FHIT: variants seen among roughly 807,000 people sequenced by gnomAD.
FHIT encodes the protein bis(5'-adenosyl)-triphosphatase.
In FHIT, 19 loss-of-function variants were observed where a neutral mutation model predicts 17.9. The ratio of observed to expected loss-of-function variants is 1.06; its 90% CI spans 0.74 to 1.56. FHIT has a LOEUF of 1.56. Ranked by LOEUF, FHIT falls within the 40% of genes most tolerant of loss-of-function variation. The pLI is 0.00. For synonymous variants in FHIT, 81 were observed against 69.7 expected (o/e 1.16, Z -0.81); for missense variants, 248 against 189.2 (o/e 1.31, Z -1.82).
chr3:60,537,456 G>T (rs767706963), intron 4 of FHIT: 9 of 983,018 alleles, frequency 9.2e-6, no homozygotes, highest in Non-Finnish European at 8.5e-6. Context: ...AACACTGTCT[G>T]ACCTTGCCTA....
At chr3:61,133,584 T>C (rs9681765) in intron 2 of FHIT, among the ~76,000 whole-genome samples, 2,657 of 152,300 alleles carry the variant, frequency 0.017, 83 homozygotes, top group African/African-American at 0.061. Context: ...CCAGAGATTA[T>C]AGATTTAGGA....
At chr3:60,520,761 G>A (rs1211221343) in intron 5 of FHIT, among the ~76,000 whole-genome samples, 4 of 152,048 alleles carry the variant, frequency 2.6e-5, no homozygotes, top group Non-Finnish European at 4.4e-5. Context: ...TCCCATTATG[G>A]TTAATGAGAG....
chr3:60,285,042 T>C (rs1333808367), intron 5 of FHIT, among the ~76,000 whole-genome samples: 2 of 152,170 alleles, frequency 1.3e-5, no homozygotes, highest in African/African-American at 2.4e-5. Context: ...ATCAGTCTTG[T>C]ATAAAACCTA....
chr3:60,584,677 T>C lies in FHIT; in HGVS notation c.-17-47698A>G, dbSNP rs1355561779. Among the ~76,000 whole-genome samples the C allele has an allele frequency of 3.9e-5, 6 of 152,146 alleles. No homozygotes were observed. The East Asian group carries it at 1.2e-3, about 29-fold the overall frequency. ...TGTAATTTTATGTGTTCATCTAACA[T>C]GGACAAAAGGAAAGAAGTTACAAAG... On this transcript the variant is annotated intron_variant, in intron 4 of 9. Coordinates refer to ENST00000492590, the MANE Select transcript of FHIT (RefSeq NM_002012.4).
chr3:59,876,394 T>C (rs748784510), intron 8 of FHIT, among the ~76,000 whole-genome samples: 2 of 152,146 alleles, frequency 1.3e-5, no homozygotes, highest in African/African-American at 2.4e-5. Context: ...TCTGGAATTA[T>C]AGAGAAGTAT....
At chr3:61,196,428 T>TA (rs903088496) in intron 2 of FHIT, among the ~76,000 whole-genome samples, 15 of 149,752 alleles carry the variant, frequency 1.0e-4, no homozygotes, top group East Asian at 1.9e-4. Context: ...AACTTGCTTT[T>TA]AAAAAAAAAA....
At chr3:60,982,656 T>C (rs994150701) in intron 3 of FHIT, among the ~76,000 whole-genome samples, 1 of 152,218 alleles carries the variant, frequency 6.6e-6, no homozygotes, top group Non-Finnish European at 1.5e-5. Flanking sequence ...TGTCTCACTC[T>C]GTTATTCTCT....
At chr3:59,887,826 C>A (rs955381103) in intron 8 of FHIT, among the ~76,000 whole-genome samples, 4 of 152,130 alleles carry the variant, frequency 2.6e-5, no homozygotes, top group Non-Finnish European at 5.9e-5. Context: ...GGAGACCTTG[C>A]CAACTTCTGA....
chr3:60,652,516 G>T (rs2107809160), intron 4 of FHIT, among the ~76,000 whole-genome samples: 1 of 152,202 alleles, frequency 6.6e-6, no homozygotes, highest in East Asian at 1.9e-4. Context: ...GGCGGATCAT[G>T]AGGTCAGGAT....
rs79669071 is a variant in FHIT at position 60,586,750 on chromosome 3, C to A, written c.-17-49771G>T. On this transcript the variant is annotated intron_variant, in intron 4 of 9. Coordinates refer to ENST00000492590, the MANE Select transcript of FHIT (RefSeq NM_002012.4). ...AGAAAACCAAAGCAAGAACAGAAAA[C>A]CAAATACTGCATGAGCTTACTCATA... Among the ~76,000 whole-genome samples, 400 of 151,998 alleles carry A rather than the reference C, an allele frequency of 2.6e-3. 3 individuals are homozygous for A. Among genetic ancestry groups the A allele is most frequent in the African/African-American group, 9.3e-3 (387 of 41,490 alleles).
At chr3:60,258,529 G>A (rs1356308374) in intron 5 of FHIT, among the ~76,000 whole-genome samples, 1 of 152,066 alleles carries the variant, frequency 6.6e-6, no homozygotes, top group African/African-American at 2.4e-5. Flanking sequence ...TTTAGATGGT[G>A]CTTCCTAAGA....
At chr3:60,899,073 T>G (rs970284578) in intron 3 of FHIT, among the ~76,000 whole-genome samples, 5 of 152,342 alleles carry the variant, frequency 3.3e-5, no homozygotes, top group Non-Finnish European at 5.9e-5. Context: ...ATGTAACTAC[T>G]ACAGATAAAT....
At chr3:60,556,236 G>C (rs1035916396) in intron 4 of FHIT, among the ~76,000 whole-genome samples, 3 of 152,156 alleles carry the variant, frequency 2.0e-5, no homozygotes, top group Non-Finnish European at 2.9e-5. Context: ...ACACAAAAGA[G>C]GCTAGACAAA....
At chr3:61,106,088 G>C (rs993755017) in intron 2 of FHIT, among the ~76,000 whole-genome samples, 2 of 152,172 alleles carry the variant, frequency 1.3e-5, no homozygotes, top group African/African-American at 4.8e-5. Flanking sequence ...GTCACTGAGA[G>C]CCTGAATTTC....
At chr3:60,905,144 G>T (rs567242499) in intron 3 of FHIT, among the ~76,000 whole-genome samples, 2 of 152,212 alleles carry the variant, frequency 1.3e-5, no homozygotes, top group African/African-American at 4.8e-5. Flanking sequence ...AGGAGAACCT[G>T]GGTGTGGTGT....
rs1252018024 is a variant in FHIT, at chr3:61,237,003, T to A, written c.-213+14298A>T. Among the ~76,000 whole-genome samples the A allele has an allele frequency of 2.6e-5, 4 of 151,616 alleles. No individual in the cohort carries two copies. In the East Asian group the frequency reaches 5.8e-4, roughly 22 times the overall value. Reference sequence around the variant, plus strand: ...ATTAAAGATCAATGGAGATGGAGGGTTGCCTCAGACACATGTGGGTCTCTT... The same window carrying A: ...ATTAAAGATCAATGGAGATGGAGGGATGCCTCAGACACATGTGGGTCTCTT... On this transcript the variant is annotated intron_variant, in intron 1 of 9. Coordinates refer to ENST00000492590, the MANE Select transcript of FHIT (RefSeq NM_002012.4).
At chr3:61,135,303 C>G (rs1354198685) in intron 2 of FHIT, among the ~76,000 whole-genome samples, 1 of 152,190 alleles carries the variant, frequency 6.6e-6, no homozygotes, top group Admixed American at 6.5e-5. Context: ...TTACTAATAG[C>G]TCAAAGTTAA....
chr3:61,159,607 T>C (rs1258725132), intron 2 of FHIT, among the ~76,000 whole-genome samples: 1 of 152,254 alleles, frequency 6.6e-6, no homozygotes, highest in Non-Finnish European at 1.5e-5. Context: ...AGGGGATGAA[T>C]TCATTTAACA....
chr3:60,725,619 C>A (rs1413837108), intron 4 of FHIT, among the ~76,000 whole-genome samples: 1 of 152,150 alleles, frequency 6.6e-6, no homozygotes, highest in Non-Finnish European at 1.5e-5. Flanking sequence ...ATGTATGTGA[C>A]AAACTGCCTG....
Sources: allele counts gnomAD v4.1 joint callset (sites outside exome capture counted in the v4.1 genomes callset), GRCh38; gene constraint gnomAD v4.1.1; transcripts MANE v1.5; gene names NCBI Gene and HGNC (gene_info 2026-07-23, HGNC 2026-07-21).